Variants in GABRA2 observed in about 807,000 individuals in gnomAD.
The protein encoded by GABRA2 is gamma-aminobutyric acid receptor subunit alpha-2.
GABRA2 carries 16 observed loss-of-function variants against 48.7 expected under a neutral mutation model. The ratio of observed to expected loss-of-function variants is 0.33; its 90% CI spans 0.22 to 0.50. The LOEUF is 0.50. Ranked by LOEUF, GABRA2 falls within the 20% of genes least tolerant of loss-of-function variation. The pLI, the probability that GABRA2 is intolerant of heterozygous loss-of-function variation, is 0.98. For synonymous variants in GABRA2, 185 were observed against 184.5 expected (o/e 1.00, Z -0.02); for missense variants, 275 against 535.6 (o/e 0.51, Z 4.80).
intron 3 of GABRA2, among the ~76,000 whole-genome samples, chr4:46,372,874 G>A (rs890998468): frequency 6.6e-6 from 1 of 152,176 alleles, no homozygotes; most frequent in Non-Finnish European, 1.5e-5. Context: ...GCCACAAACT[G>A]TTCCCTAAAC....
At chr4:46,365,412 A>G (rs1182881918) in intron 3 of GABRA2, 1 of 151,924 alleles carries the variant, frequency 6.6e-6, no homozygotes, top group Non-Finnish European at 1.5e-5. Context: ...AACTCCATGA[A>G]CTCTCTTAGT....
chr4:46,327,078 G>T (rs1490017814), intron 4 of GABRA2, among the ~76,000 whole-genome samples: 1 of 151,744 alleles, frequency 6.6e-6, no homozygotes, highest in African/African-American at 2.4e-5. Context: ...TCTCTTGCCT[G>T]TAGTAAAACA....
intron 3 of GABRA2, chr4:46,364,766 C>T (rs565838443): frequency 1.3e-5 from 2 of 152,258 alleles, no homozygotes; most frequent in East Asian, 3.9e-4. Context: ...ATTTAAAAGG[C>T]TCATGTGATT....
intron 3 of GABRA2, among the ~76,000 whole-genome samples, chr4:46,370,232 A>G (rs1419054911): frequency 1.3e-5 from 2 of 152,114 alleles, no homozygotes; most frequent in East Asian, 3.9e-4. Flanking sequence ...TGAATAAACT[A>G]CATATAGGTT....
intron 3 of GABRA2, among the ~76,000 whole-genome samples, chr4:46,376,865 GC>G (rs1389201075): frequency 6.6e-6 from 1 of 151,990 alleles, no homozygotes; most frequent in Non-Finnish European, 1.5e-5. Context: ...GCCTCAGCCT[GC>G]CGACTGCCTG....
chr4:46,262,952 AAGAAAGAGAG>A (rs376070714), intron 8 of GABRA2, among the ~76,000 whole-genome samples: 8,907 of 139,258 alleles, frequency 0.064, 966 homozygotes, highest in African/African-American at 0.23. Flanking sequence ...GAAAGAAAGA[AAGAAAGAGAG>A]AGAGAGAGAG....
chr4:46,314,085 C>A (rs571629418), intron 4 of GABRA2, among the ~76,000 whole-genome samples: 315 of 152,070 alleles, frequency 2.1e-3, no homozygotes, highest in African/African-American at 7.1e-3. Context: ...AGCGTGGGCT[C>A]ACTATCATCT....
At chr4:46,295,715 C>T (rs957762384) in intron 8 of GABRA2, among the ~76,000 whole-genome samples, 1 of 152,224 alleles carries the variant, frequency 6.6e-6, no homozygotes, top group African/African-American at 2.4e-5. Flanking sequence ...CGATGTGGCA[C>T]CATTCCTCGG....
intron 8 of GABRA2, among the ~76,000 whole-genome samples, chr4:46,291,521 G>C (rs1723617195): frequency 6.6e-6 from 1 of 152,074 alleles, no homozygotes; most frequent in Non-Finnish European, 1.5e-5. Context: ...ATTAATCTAG[G>C]TAGGCAAGAT....
chr4:46,374,990 TTTTTAAC>T (rs1205575485), intron 3 of GABRA2, among the ~76,000 whole-genome samples: 1 of 152,124 alleles, frequency 6.6e-6, no homozygotes, highest in Non-Finnish European at 1.5e-5. Context: ...CCATTTTCAA[TTTTTAAC>T]ATGTTTTAAT....
intron 3 of GABRA2, among the ~76,000 whole-genome samples, chr4:46,353,053 T>G (rs1735398533): frequency 6.6e-6 from 1 of 152,120 alleles, no homozygotes; most frequent in Admixed American, 6.6e-5. Flanking sequence ...ATGGAGAATA[T>G]AAAGAAGTAC....
intron 8 of GABRA2, among the ~76,000 whole-genome samples, chr4:46,300,310 T>C (rs536459814): frequency 6.6e-5 from 10 of 152,064 alleles, no homozygotes; most frequent in East Asian, 3.9e-4. Context: ...TGTGTGTGTG[T>C]GCGCGCGCGT....
At chr4:46,308,965 T>C (rs1461874760) in intron 6 of GABRA2, among the ~76,000 whole-genome samples, 1 of 152,202 alleles carries the variant, frequency 6.6e-6, no homozygotes, top group Admixed American at 6.5e-5. Context: ...ATGCCTCTTA[T>C]GTAATGGAAA....
At chr4:46,283,717 C>T (rs549608532) in intron 8 of GABRA2, among the ~76,000 whole-genome samples, 1 of 152,284 alleles carries the variant, frequency 6.6e-6, no homozygotes, top group African/African-American at 2.4e-5. Context: ...CAAAAATCTA[C>T]AGCCTAACAG....
intron 8 of GABRA2, among the ~76,000 whole-genome samples, chr4:46,269,442 A>G (rs1197781194): frequency 6.6e-6 from 1 of 151,878 alleles, no homozygotes; most frequent in Non-Finnish European, 1.5e-5. Flanking sequence ...AATAGTTTGA[A>G]AAGTTGTTGA....
chr4:46,255,940 A>G (rs1033676677), intron 9 of GABRA2, among the ~76,000 whole-genome samples: 1 of 151,582 alleles, frequency 6.6e-6, no homozygotes, highest in Non-Finnish European at 1.5e-5. Context: ...GGAGTCAGAA[A>G]GAATCTTAGG....
chr4:46,337,650 CAAAAAAA>C (rs71652880), intron 3 of GABRA2, among the ~76,000 whole-genome samples: 11 of 107,740 alleles, frequency 1.0e-4, no homozygotes, highest in African/African-American at 3.5e-4. Context: ...TTGTTAAGAC[CAAAAAAA>C]AAAAAAAAAA....
At chr4:46,303,416 T>C (rs999408455) in intron 8 of GABRA2, 44 bp downstream of exon 8, 1 of 1,526,910 alleles carries the variant, frequency 6.5e-7, no homozygotes, top group Non-Finnish European at 9.1e-7. Flanking sequence ...GAAAGTATGC[T>C]ATGAAACATA....
At chr4:46,345,117 G>T (rs1733925423) in intron 3 of GABRA2, among the ~76,000 whole-genome samples, 1 of 151,684 alleles carries the variant, frequency 6.6e-6, no homozygotes, top group South Asian at 2.1e-4. Context: ...TTTATAAGGG[G>T]CTCTTCCCCC....
Sources: gnomAD v4.1 joint callset for allele counts (sites outside exome capture counted in the v4.1 genomes callset) on GRCh38, gnomAD v4.1.1 for gene constraint, MANE v1.5 for transcripts, NCBI Gene and HGNC (gene_info 2026-07-23, HGNC 2026-07-21) for gene names.